Variants in MTCL1 observed in about 807,000 individuals in gnomAD.
MTCL1 encodes the protein microtubule crosslinking factor 1, also known as microtubule cross-linking factor 1.
Under a neutral mutation model 141.4 loss-of-function variants are expected in MTCL1, and 79 were observed. The ratio of observed to expected loss-of-function variants is 0.56; its 90% CI spans 0.47 to 0.67. The LOEUF (loss-of-function observed/expected upper bound fraction) is 0.67. Ranked by LOEUF, MTCL1 falls within the 30% of genes least tolerant of loss-of-function variation. MTCL1 has a pLI of 0.00. For synonymous variants in MTCL1, 914 were observed against 875.8 expected (o/e 1.04, Z -0.77); for missense variants, 2,177 against 2,113.9 (o/e 1.03, Z -0.59).
At chr18:8,751,118 C>G (rs1410701363) in intron 4 of MTCL1, among the ~76,000 whole-genome samples, 1 of 152,188 alleles carries the variant, frequency 6.6e-6, no homozygotes, top group Admixed American at 6.5e-5. Context: ...CACATCTTTT[C>G]CGCACATGGA....
Position 8,786,110 on chromosome 18 carries a change from T to TACCC in MTCL1, c.1887+19_1887+20insACCC. The TACCC allele has an allele frequency of 3.8e-6, 5 of 1,310,348 alleles. No individual in the cohort carries two copies. The highest frequency in any genetic ancestry group is 2.6e-5 in the South Asian group (2 of 77,210). The allele number at this position is 1,310,348 out of a possible 1,614,324, so 81.2% of individuals were successfully genotyped here. On this transcript the variant is annotated intron_variant, in intron 7 of 16. Coordinates refer to ENST00000359865, the Ensembl canonical transcript of MTCL1. ...CCTGGAGGTCAGCGTGGGCAAGCAATCCCCCCCCCCCGCCCTCCCCCTCCT... is the reference window on the plus strand; with the variant it reads ...CCTGGAGGTCAGCGTGGGCAAGCAATACCCCCCCCCCCCCCGCCCTCCCCCTCCT...
Position 8,726,526 on chromosome 18 carries a change from AGCGAGTGCGCATGCGCGCGC to A in MTCL1, c.357+6033_357+6052del, listed in dbSNP as rs1567945295. Among the ~76,000 whole-genome samples, 305 of 120,606 alleles carry A rather than the reference AGCGAGTGCGCATGCGCGCGC, an allele frequency of 2.5e-3. 4 individuals are homozygous for A. Among genetic ancestry groups the A allele is most frequent in the African/African-American group, 9.5e-3 (292 of 30,626 alleles). The allele number at this position is 120,606 out of a possible 152,430, so 79.1% of individuals were successfully genotyped here. A position where few individuals can be genotyped will look rare whatever the true frequency, so the allele number is the denominator to read the frequency against. On this transcript the variant is annotated intron_variant, in intron 4 of 16. Coordinates refer to ENST00000359865, the Ensembl canonical transcript of MTCL1. ...GCGCGCGCAAGAGCGAGCGAGAGAG[AGCGAGTGCGCATGCGCGCGC>A]GCAACAAGCAATGTTCTGGTGTTTC...
At chr18:8,805,157 A>G (rs1237300031) in intron 10 of MTCL1, among the ~76,000 whole-genome samples, 2 of 150,610 alleles carry the variant, frequency 1.3e-5, no homozygotes, top group African/African-American at 2.5e-5. Flanking sequence ...CAGGTTTATT[A>G]TATGGTATAT....
At chr18:8,808,156 C>T (rs939818058) in intron 11 of MTCL1, among the ~76,000 whole-genome samples, 5 of 152,216 alleles carry the variant, frequency 3.3e-5, no homozygotes, top group Non-Finnish European at 7.3e-5. Context: ...GAGAGAGCAG[C>T]TGGCCTGATT....
chr18:8,831,996 G>C (rs1490996603), exon 17 of MTCL1: 18 of 681,650 alleles, frequency 2.6e-5, no homozygotes, highest in Non-Finnish European at 4.8e-6. Flanking sequence ...AAATGTGCCT[G>C]TAATAACTTA....
At chr18:8,708,607 T>G (rs1248958676) in intron 1 of MTCL1, among the ~76,000 whole-genome samples, 2 of 152,232 alleles carry the variant, frequency 1.3e-5, no homozygotes, top group African/African-American at 4.8e-5. Flanking sequence ...TGCAGCCCTA[T>G]TTCCAGCGAG....
chr18:8,762,418 T>C (rs2096437077), intron 4 of MTCL1, among the ~76,000 whole-genome samples: 2 of 152,240 alleles, frequency 1.3e-5, no homozygotes, highest in Non-Finnish European at 2.9e-5. Context: ...CCGCGACTGC[T>C]CTCAGCCCAA....
upstream of MTCL1, among the ~76,000 whole-genome samples, chr18:8,713,489 A>G (rs2096107262): frequency 1.3e-5 from 2 of 152,222 alleles, no homozygotes; most frequent in African/African-American, 4.8e-5. Flanking sequence ...TCTGCAATAC[A>G]GTTTTCTAAA....
intron 3 of MTCL1, among the ~76,000 whole-genome samples, chr18:8,719,559 A>G (rs1300704896): frequency 6.6e-6 from 1 of 151,838 alleles, no homozygotes; most frequent in Non-Finnish European, 1.5e-5. Flanking sequence ...TGCATAGAGA[A>G]TTTTTTTTTA....
chr18:8,747,629 G>A (rs2096346591), intron 4 of MTCL1, among the ~76,000 whole-genome samples: 1 of 152,208 alleles, frequency 6.6e-6, no homozygotes, highest in Non-Finnish European at 1.5e-5. Flanking sequence ...CTCTAAACGT[G>A]CAAAGACTCT....
At chr18:8,714,116 C>A (rs1256407751), upstream of MTCL1, among the ~76,000 whole-genome samples, 1 of 152,148 alleles carries the variant, frequency 6.6e-6, no homozygotes, top group African/African-American at 2.4e-5. Flanking sequence ...AATTGAAGGT[C>A]TGTTATTGTT....
intron 10 of MTCL1, among the ~76,000 whole-genome samples, chr18:8,801,019 T>TTG (rs1414747293): frequency 1.7e-4 from 26 of 152,212 alleles, no homozygotes; most frequent in African/African-American, 5.8e-4. Flanking sequence ...CTGAAGAGCC[T>TTG]CATCCAGTCC....
Position 8,825,978 on chromosome 18 carries a change from C to T in MTCL1, c.4468C>T (p.Arg1490Ter), listed in dbSNP as rs1278500270. The change falls in exon 15 of 17, where the codon CGA (arginine) becomes TGA (stop). Residue 1490 changes from arginine (R) to a stop codon, truncating the protein, a stop_gained. Transcript: ENST00000359865. LOFTEE classifies it high-confidence loss of function. The stretch of plus-strand genomic sequence containing the variant: ...AGGCCAGGAAACAGGCACCAATTCC[C>T]GAGGAAGGTCGCCTAGCCCCATTGG... 8 of 1,597,188 alleles carry T rather than the reference C, an allele frequency of 5.0e-6. No homozygotes were observed. The highest frequency in any genetic ancestry group is 1.3e-5 in the African/African-American group (1 of 74,620).
intron 10 of MTCL1, chr18:8,800,347 AT>A (rs1373231477): frequency 6.6e-6 from 1 of 152,234 alleles, no homozygotes; most frequent in African/African-American, 2.4e-5. Flanking sequence ...CAGTCACAGT[AT>A]TCCTCAGGCC....
At chr18:8,721,262 G>T (rs968533171) in intron 4 of MTCL1, among the ~76,000 whole-genome samples, 2 of 152,216 alleles carry the variant, frequency 1.3e-5, no homozygotes, top group African/African-American at 4.8e-5. Flanking sequence ...CCTGCCAGCA[G>T]CCTTGCTTAG....
chr18:8,748,129 G>A (rs112505261), intron 4 of MTCL1, among the ~76,000 whole-genome samples: 77 of 152,200 alleles, frequency 5.1e-4, no homozygotes, highest in African/African-American at 1.8e-3. Context: ...CAGTTTCCTG[G>A]TTCTGCCCTG....
intron 11 of MTCL1, 101 bp downstream of exon 10, chr18:8,807,161 TCTTGTCCAGG>T: frequency 1.6e-6 from 2 of 1,256,400 alleles, no homozygotes; most frequent in Admixed American, 2.6e-5. Flanking sequence ...ACCATGGGCT[TCTTGTCCAGG>T]AAAAAAAGAG....
intron 4 of MTCL1, among the ~76,000 whole-genome samples, chr18:8,752,443 T>G (rs1009144670): frequency 3.3e-5 from 5 of 152,224 alleles, no homozygotes; most frequent in African/African-American, 9.6e-5. Context: ...TTAGCAACTG[T>G]GCCTCTCTTT....
intron 1 of MTCL1, among the ~76,000 whole-genome samples, chr18:8,709,988 C>T (rs932052968): frequency 2.0e-5 from 3 of 152,002 alleles, no homozygotes; most frequent in East Asian, 1.9e-4. Context: ...TACAAGTGCC[C>T]GCCACCACGC....
Sources: allele counts gnomAD v4.1 joint callset (sites outside exome capture counted in the v4.1 genomes callset), GRCh38; gene constraint gnomAD v4.1.1; transcripts MANE v1.5; gene names NCBI Gene and HGNC (gene_info 2026-07-23, HGNC 2026-07-21).